The following KAZN variants were observed in gnomAD, a reference collection of about 807,000 sequenced individuals.
The protein encoded by KAZN is kazrin.
KAZN carries 40 observed loss-of-function variants against 87.4 expected under a neutral mutation model. The ratio of observed to expected loss-of-function variants is 0.46; its 90% CI spans 0.36 to 0.60. The LOEUF (loss-of-function observed/expected upper bound fraction) is 0.60, where lower values mean the gene tolerates loss of function less well. KAZN is among the 20% of genes least tolerant of loss of function. KAZN has a pLI of 0.00. For missense variants in KAZN, 898 were observed against 1,073.9 expected (o/e 0.84, Z 2.29); for synonymous variants, 466 against 458.3 (o/e 1.02, Z -0.22).
chr1:13,971,499 A>G (rs572427441), intron 1 of KAZN, among the ~76,000 whole-genome samples: 1 of 152,288 alleles, frequency 6.6e-6, no homozygotes, highest in South Asian at 2.1e-4. Context: ...CCGAATGTGC[A>G]TCTTTCCAGC....
chr1:13,969,047 A>G (rs1334838156), intron 1 of KAZN, among the ~76,000 whole-genome samples: 2 of 152,218 alleles, frequency 1.3e-5, no homozygotes, highest in Non-Finnish European at 2.9e-5. Context: ...TTCCCTGTAC[A>G]TTCATTAATT....
chr1:14,879,985 C>T (rs1653169034), intron 1 of KAZN, among the ~76,000 whole-genome samples: 1 of 152,164 alleles, frequency 6.6e-6, no homozygotes, highest in Non-Finnish European at 1.5e-5. Context: ...TCAAGAATCT[C>T]AAGGCAAATA....
At chr1:14,452,848 T>C (rs930457599) in intron 2 of KAZN, among the ~76,000 whole-genome samples, 1 of 152,170 alleles carries the variant, frequency 6.6e-6, no homozygotes, top group Non-Finnish European at 1.5e-5. Flanking sequence ...GCTGGGGTTG[T>C]AGACTCAAAT....
chr1:14,414,908 C>A (rs1261177311), intron 2 of KAZN, among the ~76,000 whole-genome samples: 1 of 152,096 alleles, frequency 6.6e-6, no homozygotes, highest in Non-Finnish European at 1.5e-5. Context: ...CACCTGTAGC[C>A]CCAGCTACTT....
At chr1:14,342,227 A>T (rs1657784112) in intron 2 of KAZN, among the ~76,000 whole-genome samples, 1 of 152,168 alleles carries the variant, frequency 6.6e-6, no homozygotes, top group Non-Finnish European at 1.5e-5. Flanking sequence ...TTCTTTATCC[A>T]GTCTACCATT....
chr1:14,752,991 C>T (rs939541733), intron 1 of KAZN, among the ~76,000 whole-genome samples: 1 of 152,148 alleles, frequency 6.6e-6, no homozygotes. Flanking sequence ...TATCTCAATG[C>T]ACTTTGTAGA....
chr1:14,418,016 A>ACCT (rs1664958794), intron 2 of KAZN, among the ~76,000 whole-genome samples: 1 of 91,872 alleles, frequency 1.1e-5, no homozygotes, highest in Non-Finnish European at 2.2e-5. Context: ...AAAAAAAAAA[A>ACCT]AAAAAAAAAA....
intron 1 of KAZN, among the ~76,000 whole-genome samples, chr1:14,051,314 A>AAGGACAGGGCCCT (rs1232746009): frequency 1.3e-5 from 2 of 152,150 alleles, no homozygotes; most frequent in African/African-American, 4.8e-5. Flanking sequence ...TGGGCAGGCC[A>AAGGACAGGGCCCT]AGGACAGGGC....
At chr1:14,608,244 G>A (rs960781661) in intron 1 of KAZN, among the ~76,000 whole-genome samples, 3 of 151,864 alleles carry the variant, frequency 2.0e-5, no homozygotes, top group South Asian at 2.1e-4. Flanking sequence ...CTTCTTCCTC[G>A]CTTCTCTCTG....
intron 2 of KAZN, among the ~76,000 whole-genome samples, chr1:15,032,914 A>G (rs1671874885): frequency 6.6e-6 from 1 of 151,836 alleles, no homozygotes; most frequent in Non-Finnish European, 1.5e-5. Flanking sequence ...GCGGCACTGT[A>G]CTCCAGCCTG....
chr1:14,926,294 T>C (rs186956315), intron 1 of KAZN, among the ~76,000 whole-genome samples: 2 of 152,344 alleles, frequency 1.3e-5, no homozygotes, highest in East Asian at 3.9e-4. Context: ...AGGAGATGGC[T>C]AGGTGGAGAT....
intron 1 of KAZN, among the ~76,000 whole-genome samples, chr1:14,025,091 C>T (rs1641010519): frequency 6.6e-6 from 1 of 152,224 alleles, no homozygotes; most frequent in South Asian, 2.1e-4. Flanking sequence ...GTCTTGGTTC[C>T]TCCCAGAGTT....
intron 2 of KAZN, among the ~76,000 whole-genome samples, chr1:14,562,763 CA>C (rs111873082): frequency 2.6e-4 from 39 of 152,292 alleles, no homozygotes; most frequent in African/African-American, 8.9e-4. Flanking sequence ...GTTTATTTTC[CA>C]ATCACTTACA....
At chr1:14,507,483 A>G (rs890062045) in intron 2 of KAZN, among the ~76,000 whole-genome samples, 1 of 152,214 alleles carries the variant, frequency 6.6e-6, no homozygotes, top group Non-Finnish European at 1.5e-5. Flanking sequence ...GAAGACCTAA[A>G]GAGCCTGTAT....
intron 2 of KAZN, among the ~76,000 whole-genome samples, chr1:14,539,256 A>G (rs1363815441): frequency 2.0e-5 from 3 of 152,226 alleles, no homozygotes; most frequent in African/African-American, 4.8e-5. Flanking sequence ...GACAAAGGAT[A>G]TGGTAGAATT....
intron 2 of KAZN, among the ~76,000 whole-genome samples, chr1:14,194,404 C>T (rs1011465174): frequency 1.8e-4 from 27 of 152,118 alleles, no homozygotes; most frequent in Admixed American, 1.8e-3. Context: ...GGATTAAATT[C>T]CTCTCCCAGG....
intron 1 of KAZN, among the ~76,000 whole-genome samples, chr1:14,712,851 C>A (rs1471932497): frequency 6.6e-6 from 1 of 152,230 alleles, no homozygotes. Context: ...TCTCACCCCC[C>A]ACCTTTTCCC....
chr1:14,268,983 G>A (rs1025555490), intron 2 of KAZN, among the ~76,000 whole-genome samples: 2 of 152,182 alleles, frequency 1.3e-5, no homozygotes, highest in Admixed American at 1.3e-4. Flanking sequence ...CTTTCAATAT[G>A]TTTGAGTACA....
intron 1 of KAZN, among the ~76,000 whole-genome samples, chr1:14,855,045 A>G (rs983451473): frequency 6.6e-6 from 1 of 152,164 alleles, no homozygotes; most frequent in Non-Finnish European, 1.5e-5. Context: ...AAACACAAGC[A>G]GACCTGGAGT....
Sources: gnomAD v4.1 joint callset for allele counts (sites outside exome capture counted in the v4.1 genomes callset) on GRCh38, gnomAD v4.1.1 for gene constraint, MANE v1.5 for transcripts, NCBI Gene and HGNC (gene_info 2026-07-23, HGNC 2026-07-21) for gene names.